The following PARVB variants were observed in gnomAD, a reference collection of about 807,000 sequenced individuals.
PARVB encodes the protein parvin beta, also known as beta-parvin.
Under a neutral mutation model 47.0 loss-of-function variants are expected in PARVB, and 46 were observed. The observed-to-expected ratio is 0.98, with a 90% confidence interval of 0.77 to 1.25. The LOEUF (loss-of-function observed/expected upper bound fraction) is 1.25, where lower values mean the gene tolerates loss of function less well. PARVB is among the 50% of genes most tolerant of loss of function. PARVB has a pLI of 0.00. For synonymous variants in PARVB, 196 were observed against 196.3 expected (o/e 1.00, Z 0.01); for missense variants, 473 against 471.6 (o/e 1.00, Z -0.03).
intron 3 of PARVB, among the ~76,000 whole-genome samples, chr22:44,116,497 CTGT>C (rs1216278552): frequency 6.6e-6 from 1 of 152,286 alleles, no homozygotes; most frequent in African/African-American, 2.4e-5. Context: ...CTCGTCTGTC[CTGT>C]TTGTCACCAG....
intron 1 of PARVB, among the ~76,000 whole-genome samples, chr22:44,047,691 A>C (rs1295531142): frequency 1.3e-5 from 2 of 152,242 alleles, no homozygotes; most frequent in East Asian, 3.9e-4. Context: ...ACCCAGCAGA[A>C]GTGGATTCTC....
intron 1 of PARVB, among the ~76,000 whole-genome samples, chr22:44,069,466 T>C (rs2051605192): frequency 6.6e-6 from 1 of 152,106 alleles, no homozygotes; most frequent in South Asian, 2.1e-4. Context: ...CTCAGGCACA[T>C]GCTGCAATTA....
intron 2 of PARVB, among the ~76,000 whole-genome samples, chr22:44,010,042 G>A (rs528324731): frequency 1.6e-4 from 24 of 152,132 alleles, no homozygotes; most frequent in Admixed American, 9.2e-4. Context: ...TTCTGACCTC[G>A]TGATCCACCC....
At chr22:44,147,978 A>G (rs1207533797) in intron 9 of PARVB, 56 bp downstream of exon 9, 21 of 1,341,014 alleles carry the variant, frequency 1.6e-5, no homozygotes, top group Non-Finnish European at 1.8e-5. Flanking sequence ...GCTTTTTGAC[A>G]GCACAAACGC....
chr22:44,142,071 T>C (rs1039813101), intron 8 of PARVB: 1 of 151,938 alleles, frequency 6.6e-6, no homozygotes, highest in Non-Finnish European at 1.5e-5. Context: ...CCTTTGGAAT[T>C]GTAGAGGCCT....
intron 4 of PARVB, among the ~76,000 whole-genome samples, chr22:44,127,109 A>G (rs1314757775): frequency 6.6e-6 from 1 of 152,226 alleles, no homozygotes. Flanking sequence ...TCCATAAAGT[A>G]TAACATGAGG....
At position 44,170,669 on chromosome 22, in the gene PARVB, C is replaced by G. The variant is rs1168442550; in HGVS notation, c.*1991C>G. On this transcript the variant is annotated 3_prime_UTR_variant, in exon 13 of 13. Transcript: ENST00000338758. The stretch of plus-strand genomic sequence containing the variant: ...GCCTCTGGTCGCAGTCAGTCCCTCG[C>G]TGTGGCGCCCCCCCCTCCCCCAGCT... 2 of 141,958 alleles carry G rather than the reference C, an allele frequency of 1.4e-5. No homozygotes were observed. Among genetic ancestry groups the G allele is most frequent in the Non-Finnish European group, 3.1e-5 (2 of 63,742 alleles). The allele number at this position is 141,958 out of a possible 1,614,324, so 8.8% of individuals were successfully genotyped here. A position where few individuals can be genotyped will look rare whatever the true frequency, so the allele number is the denominator to read the frequency against.
intron 4 of PARVB, among the ~76,000 whole-genome samples, chr22:44,122,488 A>AG (rs2053069849): frequency 5.2e-5 from 4 of 76,618 alleles, no homozygotes; most frequent in East Asian, 3.8e-4. Flanking sequence ...CCTGTCGATC[A>AG]AGAGAGAGAG....
At chr22:44,023,512 AAAAATAAAAT>A (rs200193972), upstream of PARVB, among the ~76,000 whole-genome samples, 3 of 145,068 alleles carry the variant, frequency 2.1e-5, no homozygotes, top group East Asian at 4.1e-4. Flanking sequence ...CTACGTCTAA[AAAAATAAAAT>A]AAAATAAAAC....
chr22:44,158,074 C>T lies in PARVB; in HGVS notation c.936C>T (p.Phe312=), dbSNP rs752750510. Residue 312 remains phenylalanine, a synonymous_variant, in exon 11 of 13, where the codon TTC becomes TTT. Coordinates refer to ENST00000338758, the MANE Select transcript of PARVB (RefSeq NM_013327.5). ...ACTTCTACCTGACTCCGGAAAGCTTCGATCAGAAGGTATGTGCATGGTCTC... is the reference window on the plus strand; with the variant it reads ...ACTTCTACCTGACTCCGGAAAGCTTTGATCAGAAGGTATGTGCATGGTCTC... ...LHHFYLTPES[F]DQKVHNVSFA... is the part of the protein sequence containing the mutation. 221 of 1,610,676 alleles carry T rather than the reference C, an allele frequency of 1.4e-4. No individual in the cohort carries two copies. The highest frequency in any genetic ancestry group is 1.6e-4 in the Non-Finnish European group (190 of 1,177,010).
chr22:44,132,918 CCA>C lies in PARVB; in HGVS notation c.543_544del (p.Ile182ProfsTer19). ...GCAATTCACGGGAAGAACCTGGTGGCCATCCTCCACCTGCTGGTCTCTCTGGC... is the reference window on the plus strand; with the variant it reads ...GCAATTCACGGGAAGAACCTGGTGGCTCCTCCACCTGCTGGTCTCTCTGGC... On this transcript the variant is annotated frameshift_variant, in exon 6 of 13. Coordinates refer to ENST00000338758, the MANE Select transcript of PARVB (RefSeq NM_013327.5). LOFTEE classifies it high-confidence loss of function. 6.2e-7 allele frequency: 1 copy of C among 1,613,694 alleles called. No homozygotes were observed. Among genetic ancestry groups the C allele is most frequent in the Non-Finnish European group, 8.5e-7 (1 of 1,179,626 alleles).
At chr22:44,112,759 C>A (rs928756586) in intron 3 of PARVB, 5 of 15,824 alleles carry the variant, frequency 3.2e-4, no homozygotes, top group Non-Finnish European at 4.1e-4. Flanking sequence ...TGCACCAACA[C>A]AGATACATTG....
chr22:44,146,291 C>CCG (rs2053673333), intron 8 of PARVB: 2 of 109,980 alleles, frequency 1.8e-5, no homozygotes, highest in African/African-American at 3.5e-5. Context: ...TCACACACAA[C>CCG]CTCACACGCA....
chr22:44,116,939 G>A (rs908124663), intron 3 of PARVB, among the ~76,000 whole-genome samples: 2 of 152,152 alleles, frequency 1.3e-5, no homozygotes, highest in Non-Finnish European at 2.9e-5. Context: ...GTGGCCCAGG[G>A]GCAAGAGGGA....
chr22:44,015,933 C>A (rs1161543535), intron 2 of PARVB, among the ~76,000 whole-genome samples: 1 of 152,162 alleles, frequency 6.6e-6, no homozygotes, highest in East Asian at 1.9e-4. Flanking sequence ...AAATGGCACA[C>A]CTGGCCCAAC....
chr22:44,092,143 G>A (rs561541625), intron 1 of PARVB, among the ~76,000 whole-genome samples: 2 of 151,998 alleles, frequency 1.3e-5, no homozygotes, highest in African/African-American at 4.8e-5. Context: ...ATGGAGTCTC[G>A]CTCTGTCACC....
rs918305110 is a variant in PARVB at position 44,125,746 on chromosome 22, G to C, written c.377-5741G>C. Among the ~76,000 whole-genome samples, 1 of 152,184 alleles carries C rather than the reference G, an allele frequency of 6.6e-6. No homozygotes were observed. Among genetic ancestry groups the C allele is most frequent in the African/African-American group, 2.4e-5 (1 of 41,450 alleles). The stretch of plus-strand genomic sequence containing the variant: ...GTGACAGGAAGCCATTGGAGGTTTT[G>C]GGTAGGGCTGTGACGTGGATTGGGT... On this transcript the variant is annotated intron_variant, in intron 4 of 12. Transcript: ENST00000338758. This position sits in a 1 kb window ranked among gnomAD's most constrained non-coding sequence, Gnocchi z 4.1.
intron 1 of PARVB, among the ~76,000 whole-genome samples, chr22:44,086,327 T>A (rs1354477073): frequency 6.6e-6 from 1 of 152,244 alleles, no homozygotes; most frequent in African/African-American, 2.4e-5. Context: ...GTCCTTTCCC[T>A]CTTTTCCCAT....
At chr22:44,075,612 C>T (rs931117255) in intron 1 of PARVB, among the ~76,000 whole-genome samples, 2 of 152,208 alleles carry the variant, frequency 1.3e-5, no homozygotes, top group African/African-American at 2.4e-5. Flanking sequence ...CTGTCTCCCT[C>T]TCACTCCTGG....
Sources: allele counts gnomAD v4.1 joint callset (sites outside exome capture counted in the v4.1 genomes callset), GRCh38; gene constraint gnomAD v4.1.1; non-coding constraint Gnocchi (gnomAD v3.1); transcripts MANE v1.5; gene names NCBI Gene and HGNC (gene_info 2026-07-23, HGNC 2026-07-21).